The following SAMMSON variants were observed in gnomAD, a reference collection of about 807,000 sequenced individuals.
SAMMSON encodes long intergenic non-protein coding RNA 1212.
chr3:70,281,422 G>A (rs1298713205), intron 6 of SAMMSON, among the ~76,000 whole-genome samples: 1 of 152,072 alleles, frequency 6.6e-6, no homozygotes, highest in Non-Finnish European at 1.5e-5. Flanking sequence ...CTAGAATTCT[G>A]TCTTTACCAT....
chr3:70,018,505 A>C (rs2066997005), intron 3 of SAMMSON, among the ~76,000 whole-genome samples: 3 of 151,918 alleles, frequency 2.0e-5, no homozygotes, highest in Non-Finnish European at 4.4e-5. Context: ...CAGTCTATCA[A>C]TTTTGTTGAT....
chr3:70,300,243 C>T (rs1279628093), intron 7 of SAMMSON, among the ~76,000 whole-genome samples: 1 of 152,070 alleles, frequency 6.6e-6, no homozygotes, highest in African/African-American at 2.4e-5. Context: ...CGCCCTTGCC[C>T]TTGAGTAAAC....
At chr3:70,085,208 G>C (rs966926) in intron 4 of SAMMSON, among the ~76,000 whole-genome samples, 150,401 of 152,334 alleles carry the variant, frequency 0.99, 74,271 homozygotes, top group East Asian at 1. Context: ...TTTTTACCAA[G>C]CTTCCCAATC....
Position 70,317,407 on chromosome 3 carries a change from G to C in SAMMSON, n.739+26164G>C, listed in dbSNP as rs182822718. ...AATAAAGTATTTTTAATTAAGATAAGTACAATTTTTTTAGACATAATGCTA... is the reference window on the plus strand; with the variant it reads ...AATAAAGTATTTTTAATTAAGATAACTACAATTTTTTTAGACATAATGCTA... On this transcript the variant is annotated intron_variant and non_coding_transcript_variant, in intron 7 of 9. Coordinates refer to ENST00000642114, the Ensembl canonical transcript of SAMMSON. Among the ~76,000 whole-genome samples the C allele has an allele frequency of 2.6e-5, 4 of 151,894 alleles. No individual in the cohort carries two copies. In the East Asian group the frequency reaches 7.7e-4, roughly 29 times the overall value.
At chr3:70,395,124 A>G (rs1701080738) in intron 2 of SAMMSON, among the ~76,000 whole-genome samples, 1 of 152,130 alleles carries the variant, frequency 6.6e-6, no homozygotes, top group Admixed American at 6.5e-5. Flanking sequence ...AGCATCTCTC[A>G]GAAACATACC....
At chr3:70,045,057 TTATAA>T (rs2067119985) in intron 3 of SAMMSON, among the ~76,000 whole-genome samples, 1 of 107,828 alleles carries the variant, frequency 9.3e-6, no homozygotes, top group Admixed American at 1.2e-4. Flanking sequence ...ATATAATTAA[TTATAA>T]TATATATTAT....
At chr3:70,209,424 CTA>C (rs1701321040) in intron 4 of SAMMSON, among the ~76,000 whole-genome samples, 1 of 152,012 alleles carries the variant, frequency 6.6e-6, no homozygotes, top group African/African-American at 2.4e-5. Context: ...ATGTCAAGTT[CTA>C]TGTTACCGCT....
At chr3:70,420,118 T>C (rs997203487) in intron 2 of SAMMSON, among the ~76,000 whole-genome samples, 17 of 152,234 alleles carry the variant, frequency 1.1e-4, no homozygotes, top group African/African-American at 3.9e-4. Context: ...TCAGTGTCCA[T>C]GTCCTTGGAT....
At chr3:70,261,524 C>A (rs1466507723) in intron 6 of SAMMSON, among the ~76,000 whole-genome samples, 1 of 152,062 alleles carries the variant, frequency 6.6e-6, no homozygotes, top group Non-Finnish European at 1.5e-5. Flanking sequence ...TTTCAATTTC[C>A]GTGGTAATGA....
chr3:70,214,847 A>T (rs898263206), intron 4 of SAMMSON, among the ~76,000 whole-genome samples: 2 of 152,066 alleles, frequency 1.3e-5, no homozygotes, highest in African/African-American at 4.8e-5. Context: ...TAATGTTTGT[A>T]AAAAGTGTCT....
intron 6 of SAMMSON, among the ~76,000 whole-genome samples, chr3:70,267,022 A>T (rs7627698): frequency 0.4 from 60,472 of 152,022 alleles, 13,296 homozygotes; most frequent in Non-Finnish European, 0.51. Flanking sequence ...TTTCTTAGCT[A>T]AACTCTCATG....
intron 3 of SAMMSON, among the ~76,000 whole-genome samples, chr3:70,022,860 T>C (rs1203430225): frequency 6.6e-6 from 1 of 152,228 alleles, no homozygotes; most frequent in Non-Finnish European, 1.5e-5. Flanking sequence ...AGCTCTGCCA[T>C]GTAAAAATTG....
chr3:70,229,772 A>T (rs1372908077), intron 4 of SAMMSON, among the ~76,000 whole-genome samples: 3 of 152,308 alleles, frequency 2.0e-5, no homozygotes, highest in Non-Finnish European at 4.4e-5. Flanking sequence ...ATCTATCTGC[A>T]TTGAGATTTT....
intron 3 of SAMMSON, chr3:70,068,617 A>G (rs937270420): frequency 5.3e-5 from 8 of 152,090 alleles, no homozygotes; most frequent in Admixed American, 2.0e-4. Context: ...AACAACCCAC[A>G]CAGAGTGCTA....
chr3:70,008,363 T>A (rs1041818406), intron 1 of SAMMSON, among the ~76,000 whole-genome samples: 11 of 152,122 alleles, frequency 7.2e-5, no homozygotes, highest in Admixed American at 5.2e-4. Flanking sequence ...GTCCTTCACA[T>A]CCCTTGTAAG....
chr3:70,416,163 TTC>T (rs1357064000), intron 2 of SAMMSON, among the ~76,000 whole-genome samples: 1 of 152,180 alleles, frequency 6.6e-6, no homozygotes, highest in African/African-American at 2.4e-5. Flanking sequence ...TGGGAACAAT[TTC>T]TCAGTTCGTG....
intron 6 of SAMMSON, among the ~76,000 whole-genome samples, chr3:70,278,076 TAGAC>T (rs1702044890): frequency 6.6e-6 from 1 of 152,134 alleles, no homozygotes; most frequent in Non-Finnish European, 1.5e-5. Flanking sequence ...TTCAGCAACA[TAGAC>T]AGCTCTCATC....
intron 4 of SAMMSON, among the ~76,000 whole-genome samples, chr3:70,225,505 C>A (rs1464349753): frequency 6.6e-6 from 1 of 152,124 alleles, no homozygotes; most frequent in Non-Finnish European, 1.5e-5. Context: ...TTGCAAATTT[C>A]TATTATTCTA....
intron 7 of SAMMSON, among the ~76,000 whole-genome samples, chr3:70,328,396 C>A (rs1050394460): frequency 2.6e-5 from 4 of 151,958 alleles, no homozygotes; most frequent in Non-Finnish European, 5.9e-5. Flanking sequence ...TAGACAGGAA[C>A]CTAAAGACAG....
Sources: allele counts gnomAD v4.1 joint callset (sites outside exome capture counted in the v4.1 genomes callset), GRCh38; gene constraint gnomAD v4.1.1; transcripts MANE v1.5; gene names NCBI Gene and HGNC (gene_info 2026-07-23, HGNC 2026-07-21).